Variants in GLB1 observed in about 807,000 individuals in gnomAD.
The protein encoded by GLB1 is beta-galactosidase.
GLB1 carries 56 observed loss-of-function variants against 74.0 expected under a neutral mutation model. The observed-to-expected ratio is 0.76, with a 90% CI of 0.61 to 0.94. GLB1 has a LOEUF of 0.94. GLB1 is among the 40% of genes least tolerant of loss of function. The pLI is 0.00. For missense variants in GLB1, 787 were observed against 845.5 expected (o/e 0.93, Z 0.86); for synonymous variants, 323 against 323.6 (o/e 1.00, Z 0.02).
intron 1 of GLB1, among the ~76,000 whole-genome samples, chr3:33,074,661 G>C (rs538937304): frequency 3.3e-5 from 5 of 152,120 alleles, no homozygotes; most frequent in African/African-American, 1.2e-4. Context: ...GGTGGATAAG[G>C]CAGCAACAGG....
chr3:33,050,743 T>C (rs530313135), intron 9 of GLB1, among the ~76,000 whole-genome samples: 1 of 152,324 alleles, frequency 6.6e-6, no homozygotes, highest in South Asian at 2.1e-4. Context: ...TAAATACCAC[T>C]GCATCATATA....
At chr3:33,096,413 G>A (rs1218267132) in intron 1 of GLB1, 7 of 977,876 alleles carry the variant, frequency 7.2e-6, no homozygotes, top group Non-Finnish European at 8.5e-6. Context: ...CCCTCAACCT[G>A]GACCCCCAAA....
At chr3:32,977,348 G>A in the GLB1 span, among the ~76,000 whole-genome samples, 1 of 151,890 alleles carries the variant, frequency 6.6e-6, no homozygotes, top group Non-Finnish European at 1.5e-5. Context: ...TGGGATTACA[G>A]GCGCCCACCA....
At chr3:33,092,643 A>G (rs1700813397) in intron 1 of GLB1, 2 of 1,370,136 alleles carry the variant, frequency 1.5e-6, no homozygotes, top group African/African-American at 2.9e-5. Context: ...CTGGCCAAGG[A>G]AATAGTTAAA....
At chr3:33,066,611 C>A (rs1352635643) in intron 4 of GLB1, among the ~76,000 whole-genome samples, 2 of 152,188 alleles carry the variant, frequency 1.3e-5, no homozygotes, top group African/African-American at 4.8e-5. Flanking sequence ...ACCATCCTTG[C>A]CACAGGACAC....
At chr3:32,997,651 T>C (rs1056649012) in intron 15 of GLB1, among the ~76,000 whole-genome samples, 2 of 152,178 alleles carry the variant, frequency 1.3e-5, no homozygotes, top group African/African-American at 4.8e-5. Context: ...TGGCCACAGA[T>C]GTTGGTACCA....
the GLB1 span, among the ~76,000 whole-genome samples, chr3:32,989,885 G>C: frequency 2.0e-5 from 3 of 152,018 alleles, no homozygotes; most frequent in South Asian, 2.1e-4. Context: ...TTCTTCAAAA[G>C]GTTCTTATAA....
intron 10 of GLB1, among the ~76,000 whole-genome samples, chr3:33,031,422 T>A (rs1388633648): frequency 6.6e-6 from 1 of 151,430 alleles, no homozygotes; most frequent in Middle Eastern, 3.2e-3. Flanking sequence ...GGCGGGTGGA[T>A]CACTTGAGGT....
intron 1 of GLB1, 186 bp downstream of exon 1, chr3:33,096,825 C>T (rs1701052359): frequency 2.2e-6 from 3 of 1,366,936 alleles, no homozygotes; most frequent in East Asian, 3.1e-5. Context: ...CGCGCCCCGC[C>T]CGGCCCGCCC....
intron 13 of GLB1, 97 bp downstream of exon 13, chr3:33,018,351 A>G: frequency 9.5e-7 from 1 of 1,049,542 alleles, no homozygotes; most frequent in Non-Finnish European, 1.5e-6. Flanking sequence ...TGAGGCTGAA[A>G]AGGTGAGCAA....
chr3:33,072,514 T>C (rs1407519729), intron 2 of GLB1, 30 bp downstream of exon 2: 9 of 1,612,364 alleles, frequency 5.6e-6, no homozygotes, highest in African/African-American at 1.3e-5. Flanking sequence ...TGTTCAGGCC[T>C]AGGTGAGAGC....
Position 33,053,504 on chromosome 3 carries a change from G to C in GLB1, c.779C>G (p.Pro260Arg). The change falls in exon 7 of 16, where the codon CCC becomes CGC. Residue 260 changes from proline (P) to arginine (R), a missense_variant. Coordinates refer to ENST00000307363, the MANE Select transcript of GLB1 (RefSeq NM_000404.4). ...DAFLSQRKCE[P>R]KGPLINSEFY... is the part of the protein sequence containing the mutation. ...CTCGATTCTTACCAAGGGTCCTTTG[G>C]GCTCACACTTCCTCTGGCTTAGGAA... 2.5e-6 allele frequency: 4 copies of C among 1,614,076 alleles called. No homozygotes were observed. The highest frequency in any genetic ancestry group is 3.4e-6 in the Non-Finnish European group (4 of 1,179,986).
At chr3:33,035,921 T>C (rs1037472101) in intron 10 of GLB1, among the ~76,000 whole-genome samples, 1 of 152,204 alleles carries the variant, frequency 6.6e-6, no homozygotes, top group Non-Finnish European at 1.5e-5. Context: ...GCTCCTTAAC[T>C]TGGTGTATTC....
intron 12 of GLB1, among the ~76,000 whole-genome samples, chr3:33,019,021 A>G (rs1233669528): frequency 6.6e-6 from 1 of 152,194 alleles, no homozygotes; most frequent in African/African-American, 2.4e-5. Context: ...TTAACATACA[A>G]AACAAAAGGC....
intron 1 of GLB1, among the ~76,000 whole-genome samples, chr3:33,076,259 C>T (rs1204144052): frequency 6.6e-6 from 1 of 152,044 alleles, no homozygotes; most frequent in African/African-American, 2.4e-5. Context: ...GCGTGTGAGG[C>T]CTGGGGGAGG....
intron 10 of GLB1, among the ~76,000 whole-genome samples, chr3:33,024,949 T>A (rs1447541951): frequency 1.6e-5 from 1 of 61,656 alleles, no homozygotes; most frequent in African/African-American, 6.5e-5. Context: ...CAAATCCTCT[T>A]TTTTTTTTTT....
intron 15 of GLB1, among the ~76,000 whole-genome samples, chr3:32,998,229 T>G (rs755501504): frequency 1.3e-5 from 2 of 152,232 alleles, no homozygotes; most frequent in Non-Finnish European, 2.9e-5. Context: ...TCAAAGGGGC[T>G]GAGTGCAGTG....
intron 1 of GLB1, among the ~76,000 whole-genome samples, chr3:33,076,394 G>A (rs1241459421): frequency 6.6e-6 from 1 of 152,224 alleles, no homozygotes; most frequent in African/African-American, 2.4e-5. Flanking sequence ...CAAGGGCCCG[G>A]ATTTTATGCT....
Position 33,014,229 on chromosome 3 carries a change from A to G in GLB1, c.1561T>C (p.Cys521Arg), listed in dbSNP as rs4302331. Residue 521 changes from cysteine to arginine, a missense_variant, in exon 15 of 16, where the codon TGC (cysteine) becomes CGC (arginine). By Grantham distance (180) the Cys-to-Arg change is radical (BLOSUM62 -3). Coordinates refer to ENST00000307363, the MANE Select transcript of GLB1 (RefSeq NM_000404.4). ...TGTCCCCAGCCCCCCAGGTGGCTGCACACTGCATCCTCAGTGTCCAGTGGA... is the reference window on the plus strand; with the variant it reads ...TGTCCCCAGCCCCCCAGGTGGCTGCGCACTGCATCCTCAGTGTCCAGTGGA... ...IFPLDTEDAV[C>R]SHLGGWGHRD... The G allele has an allele frequency of 0.99, 1,593,884 of 1,614,086 alleles. 788,793 individuals carry two copies. The highest frequency in any genetic ancestry group is 1 in the East Asian group (44,870 of 44,870).
Sources: gnomAD v4.1 joint callset for allele counts (sites outside exome capture counted in the v4.1 genomes callset) on GRCh38, gnomAD v4.1.1 for gene constraint, MANE v1.5 for transcripts, NCBI Gene and HGNC (gene_info 2026-07-23, HGNC 2026-07-21) for gene names.